FAM13A: variants seen among roughly 807,000 people sequenced by gnomAD.
The protein encoded by FAM13A is family with sequence similarity 13 member A.
A neutral mutation model predicts 129.6 loss-of-function variants in FAM13A; 76 were observed. The ratio of observed to expected loss-of-function variants is 0.59; its 90% CI spans 0.49 to 0.71. FAM13A has a LOEUF of 0.71. FAM13A is among the 30% of genes least tolerant of loss of function. FAM13A has a pLI of 0.00. For missense variants in FAM13A, 1,108 were observed against 1,249.3 expected, an observed-to-expected ratio of 0.89 and a Z score of 1.70; for synonymous variants, 443 against 449.9, an observed-to-expected ratio of 0.98 and a Z score of 0.20.
At chr4:88,779,451 T>C (rs1016098960) in intron 11 of FAM13A, among the ~76,000 whole-genome samples, 4 of 152,140 alleles carry the variant, frequency 2.6e-5, no homozygotes, top group African/African-American at 7.2e-5. Context: ...CTTGCGAAGA[T>C]TAGATTTTTA....
chr4:89,054,432 T>G (rs1771977053), intron 1 of FAM13A, among the ~76,000 whole-genome samples: 2 of 152,132 alleles, frequency 1.3e-5, no homozygotes, highest in Non-Finnish European at 2.9e-5. Context: ...GTCCTAAATG[T>G]TGGGGTTCAA....
At chr4:89,009,436 C>T (rs1765459951) in intron 3 of FAM13A, among the ~76,000 whole-genome samples, 1 of 152,170 alleles carries the variant, frequency 6.6e-6, no homozygotes, top group Non-Finnish European at 1.5e-5. Flanking sequence ...AATCAAATTG[C>T]TATAATGTAT....
intron 8 of FAM13A, among the ~76,000 whole-genome samples, chr4:88,803,867 C>A (rs1285957275): frequency 1.3e-5 from 2 of 152,152 alleles, no homozygotes; most frequent in African/African-American, 2.4e-5. Context: ...TGAATTATAG[C>A]CTAAATCCAT....
Position 88,731,310 on chromosome 4 carries a change from G to A in FAM13A, c.2945+17C>T. 2.8e-6 allele frequency: 4 copies of A among 1,448,834 alleles called. No individual in the cohort carries two copies. Among genetic ancestry groups the A allele is most frequent in the Non-Finnish European group, 3.8e-6 (4 of 1,038,974 alleles). 89.7% of individuals were successfully genotyped at this position (1,448,834 alleles called of 1,614,324 possible). A position where few individuals can be genotyped will look rare whatever the true frequency, so the allele number is the denominator to read the frequency against. On this transcript the variant is annotated intron_variant, in intron 23 of 23. Coordinates refer to ENST00000264344, the MANE Select transcript of FAM13A (RefSeq NM_014883.4). ...TGCGGCGGGGGGGAAGGGAGGGTGG[G>A]GGAAGACAGGCACTACCTTCCATTC... is the stretch of plus-strand genomic sequence containing the variant.
chr4:88,751,604 T>C (rs548700665), intron 14 of FAM13A, among the ~76,000 whole-genome samples: 59 of 67,516 alleles, frequency 8.7e-4, no homozygotes, highest in African/African-American at 3.1e-3. Flanking sequence ...TCAGTTTAGA[T>C]AATCTGTTAA....
intron 10 of FAM13A, among the ~76,000 whole-genome samples, chr4:88,782,580 G>T (rs1269454455): frequency 6.6e-6 from 1 of 151,872 alleles, no homozygotes; most frequent in East Asian, 1.9e-4. Context: ...GGTATAACAG[G>T]CAAAATTATG....
chr4:88,742,943 A>G (rs932067936), intron 19 of FAM13A, among the ~76,000 whole-genome samples: 4 of 152,216 alleles, frequency 2.6e-5, no homozygotes, highest in African/African-American at 9.6e-5. Flanking sequence ...GTAGTATATT[A>G]TCTCTTCAAA....
At chr4:88,863,388 T>C (rs565432590) in intron 6 of FAM13A, among the ~76,000 whole-genome samples, 1 of 152,206 alleles carries the variant, frequency 6.6e-6, no homozygotes, top group African/African-American at 2.4e-5. Context: ...TTCTGTGCCC[T>C]CCCCCATACT....
At chr4:88,799,103 T>TA (rs1264251572) in intron 8 of FAM13A, among the ~76,000 whole-genome samples, 1 of 152,072 alleles carries the variant, frequency 6.6e-6, no homozygotes, top group African/African-American at 2.4e-5. Context: ...AATAAATAAA[T>TA]AAAAAATAAT....
intron 1 of FAM13A, among the ~76,000 whole-genome samples, chr4:89,030,097 C>T (rs1560875883): frequency 6.6e-6 from 1 of 152,010 alleles, no homozygotes; most frequent in Non-Finnish European, 1.5e-5. Flanking sequence ...AAAAAAATTA[C>T]AATGACCATT....
chr4:88,995,067 C>T (rs1403644093), intron 3 of FAM13A, among the ~76,000 whole-genome samples: 1 of 151,970 alleles, frequency 6.6e-6, no homozygotes. Flanking sequence ...TTGTTGCACA[C>T]ACGCATCCAA....
At chr4:88,994,818 G>A (rs1326445443) in intron 3 of FAM13A, among the ~76,000 whole-genome samples, 3 of 147,282 alleles carry the variant, frequency 2.0e-5, no homozygotes, top group Non-Finnish European at 4.5e-5. Context: ...TCCAGCCTGG[G>A]TGACAGAGTG....
At chr4:88,787,368 A>G (rs1257533986) in intron 10 of FAM13A, among the ~76,000 whole-genome samples, 1 of 152,162 alleles carries the variant, frequency 6.6e-6, no homozygotes, top group Non-Finnish European at 1.5e-5. Context: ...GCTGCTCCAT[A>G]AACAAGTCTA....
intron 14 of FAM13A, chr4:88,753,510 T>C (rs1398290485): frequency 1.1e-5 from 2 of 183,650 alleles, no homozygotes; most frequent in Non-Finnish European, 2.1e-5. Flanking sequence ...ATGAATTCAC[T>C]TATTTTAAAA....
At chr4:88,794,360 T>C (rs1365476899) in intron 8 of FAM13A, among the ~76,000 whole-genome samples, 1 of 151,926 alleles carries the variant, frequency 6.6e-6, no homozygotes, top group Non-Finnish European at 1.5e-5. Flanking sequence ...CTATGACATA[T>C]TGAAATATCT....
intron 7 of FAM13A, among the ~76,000 whole-genome samples, chr4:88,830,993 T>G (rs1393174004): frequency 6.6e-6 from 1 of 152,156 alleles, no homozygotes; most frequent in Non-Finnish European, 1.5e-5. Flanking sequence ...GCTTTTTTTT[T>G]TTTAAGTGAA....
intron 7 of FAM13A, among the ~76,000 whole-genome samples, chr4:88,825,704 A>T (rs1732877124): frequency 6.6e-6 from 1 of 152,230 alleles, no homozygotes; most frequent in Non-Finnish European, 1.5e-5. Context: ...CACTCAATAC[A>T]TTCAAAATAT....
At chr4:88,757,875 C>T (rs997657216) in intron 14 of FAM13A, among the ~76,000 whole-genome samples, 1 of 152,054 alleles carries the variant, frequency 6.6e-6, no homozygotes, top group Admixed American at 6.5e-5. Flanking sequence ...CGTGCTGAAA[C>T]GGGACTGATT....
At chr4:88,928,798 T>C (rs567933750) in intron 5 of FAM13A, among the ~76,000 whole-genome samples, 1 of 152,186 alleles carries the variant, frequency 6.6e-6, no homozygotes, top group South Asian at 2.1e-4. Context: ...TTAATCCATT[T>C]ACATTCAAGG....
Sources: gnomAD v4.1 joint callset for allele counts (sites outside exome capture counted in the v4.1 genomes callset) on GRCh38, gnomAD v4.1.1 for gene constraint, MANE v1.5 for transcripts, NCBI Gene and HGNC (gene_info 2026-07-23, HGNC 2026-07-21) for gene names.